CD163L1: variants seen among roughly 807,000 people sequenced by gnomAD.
CD163L1 encodes scavenger receptor cysteine-rich type 1 protein M160.
In CD163L1, 124 loss-of-function variants were observed where a neutral mutation model predicts 165.4. The observed-to-expected ratio is 0.75, with a 90% CI of 0.65 to 0.87. CD163L1 has a LOEUF of 0.87. Among genes scored for constraint, CD163L1 ranks in the 40% least tolerant of loss-of-function variants. The probability of loss-of-function intolerance (pLI) is 0.00; values close to 1 mark genes in which losing one functional copy is unlikely to be tolerated. For missense variants in CD163L1, 1,525 were observed against 1,799.9 expected (o/e 0.85, Z 2.76); for synonymous variants, 585 against 662.2 (o/e 0.88, Z 1.79).
rs1367001725 is a variant in CD163L1, at chr12:7,368,179, A to G, written c.4091T>C (p.Leu1364Ser). Reference protein sequence around the residue: ...NASSGHLALILSSIFGLLLLV... With the variant: ...NASSGHLALISSSIFGLLLLV... Reference sequence around the variant, plus strand: ...GAGAAGGAGCCCAAAGATACTGGATAAAATAAGTGCTAAATGACCTGTATA... The same window carrying G: ...GAGAAGGAGCCCAAAGATACTGGATGAAATAAGTGCTAAATGACCTGTATA... Residue 1364 changes from leucine (L) to serine (S), a missense_variant, in exon 17 of 20, where the codon TTA (leucine) becomes TCA (serine). Transcript: ENST00000313599. This position sits in a 1 kb window ranked among gnomAD's most constrained non-coding sequence, Gnocchi z 4.3. The G allele has an allele frequency of 1.3e-6, 2 of 1,594,718 alleles. No homozygotes were observed. The highest frequency in any genetic ancestry group is 1.3e-5 in the African/African-American group (1 of 74,304).
At chr12:7,404,180 A>G (rs1040193443) in intron 5 of CD163L1, among the ~76,000 whole-genome samples, 5 of 152,188 alleles carry the variant, frequency 3.3e-5, no homozygotes, top group African/African-American at 1.2e-4. Context: ...ACATTGCAAT[A>G]AAAAGCCATA....
intron 7 of CD163L1, among the ~76,000 whole-genome samples, chr12:7,396,809 A>C (rs1947786395): frequency 6.6e-6 from 1 of 151,808 alleles, no homozygotes. Context: ...ATTCCTTAAA[A>C]TAAATCTCTG....
At chr12:7,426,094 T>C (rs879956967) in intron 4 of CD163L1, among the ~76,000 whole-genome samples, 1 of 152,190 alleles carries the variant, frequency 6.6e-6, no homozygotes, top group South Asian at 2.1e-4. Context: ...ATATACACCA[T>C]GGAATACTAT....
intron 7 of CD163L1, among the ~76,000 whole-genome samples, chr12:7,397,546 C>A (rs957084411): frequency 6.6e-6 from 1 of 152,164 alleles, no homozygotes; most frequent in Non-Finnish European, 1.5e-5. Flanking sequence ...ACCCTAAATT[C>A]TACTGTTTCT....
At chr12:7,396,734 G>T (rs937916811) in intron 7 of CD163L1, among the ~76,000 whole-genome samples, 6 of 152,018 alleles carry the variant, frequency 3.9e-5, no homozygotes, top group African/African-American at 1.4e-4. Flanking sequence ...TCTGCAGTCT[G>T]CTGGCCTCCT....
At chr12:7,434,413 A>T (rs796558961) in intron 2 of CD163L1, among the ~76,000 whole-genome samples, 10 of 152,308 alleles carry the variant, frequency 6.6e-5, no homozygotes, top group African/African-American at 2.4e-4. Flanking sequence ...TCCTAGGTGA[A>T]AAAATCAACT....
chr12:7,373,710 C>CG (rs1947193965), intron 13 of CD163L1, 70 bp from the exon 14 acceptor site: 2 of 1,334,636 alleles, frequency 1.5e-6, no homozygotes, highest in African/African-American at 3.1e-5. Flanking sequence ...CCAAGGAATC[C>CG]ATTTTTCCCA....
Position 7,403,571 on chromosome 12 carries a change from A to C in CD163L1, c.1372T>G (p.Cys458Gly), listed in dbSNP as rs1420504526. The part of the protein sequence containing the change: ...CTYDGKAKRT[C>G]FRRSDAGVIC... ...ACTCCAGCATCTGATCTTCGGAAGC[A>C]TGTTCGCTTTGCTTTTCCATCATAT... Residue 458 changes from cysteine to glycine, a missense_variant, in exon 6 of 20, where the codon TGC becomes GGC. Physicochemically the swap from Cys to Gly is radical, Grantham distance 159. Coordinates refer to ENST00000313599, the MANE Select transcript of CD163L1 (RefSeq NM_174941.6). 6.2e-7 allele frequency: 1 copy of C among 1,613,748 alleles called. No homozygotes were observed. The highest frequency in any genetic ancestry group is 8.5e-7 in the Non-Finnish European group (1 of 1,179,886).
At chr12:7,394,943 AGTGG>A (rs1947740962) in intron 8 of CD163L1, among the ~76,000 whole-genome samples, 1 of 152,174 alleles carries the variant, frequency 6.6e-6, no homozygotes, top group South Asian at 2.1e-4. Context: ...GTCAGGAAAC[AGTGG>A]ATGCTGGAGA....
chr12:7,433,601 C>T lies in CD163L1; in HGVS notation c.218G>A (p.Cys73Tyr). 1 of 1,614,174 alleles carries T rather than the reference C, an allele frequency of 6.2e-7. No individual in the cohort carries two copies. The highest frequency in any genetic ancestry group is 8.5e-7 in the Non-Finnish European group (1 of 1,180,024). ...VKFQGQWGTVCDDGWNTTAST... is the reference protein window; with the variant it reads ...VKFQGQWGTVYDDGWNTTAST... ...GGCAGTAGTGTTCCACCCATCATCA[C>T]ACACAGTCCCCCACTGTCCCTGGAA... Residue 73 changes from cysteine to tyrosine, a missense_variant, in exon 3 of 20, where the codon TGT becomes TAT. Transcript: ENST00000313599.
intron 8 of CD163L1, among the ~76,000 whole-genome samples, chr12:7,380,045 T>A (rs1947352540): frequency 6.6e-6 from 1 of 152,090 alleles, no homozygotes; most frequent in Admixed American, 6.5e-5. Context: ...CTGGTGGGAA[T>A]GTAACTAGTA....
the CD163L1 span, among the ~76,000 whole-genome samples, chr12:7,330,329 T>G: frequency 6.6e-6 from 1 of 152,306 alleles, no homozygotes; most frequent in Admixed American, 6.5e-5. Context: ...TTTCAAAACT[T>G]AATAATAAGT....
In CD163L1 at chr12:7,437,247, G is replaced by GTATTTAAATAC. The variant is rs1337411890; in HGVS notation, c.125-3554_125-3553insGTATTTAAATA. Among the ~76,000 whole-genome samples, 216 of 122,900 alleles carry GTATTTAAATAC rather than the reference G, an allele frequency of 1.8e-3. 4 individuals carry two copies. The highest frequency in any genetic ancestry group is 7.3e-3 in the African/African-American group (208 of 28,392). 80.6% of individuals were successfully genotyped at this position (122,900 alleles called of 152,430 possible). A position where few individuals can be genotyped will look rare whatever the true frequency, so the allele number is the denominator to read the frequency against. On this transcript the variant is annotated intron_variant, in intron 2 of 19. Coordinates refer to ENST00000313599, the MANE Select transcript of CD163L1 (RefSeq NM_174941.6). ...ATTTAAAAGTATTTACTTTTAAATA[G>GTATTTAAATAC]TATTTAAATAGTATTTAAAAGTATT... is the stretch of plus-strand genomic sequence containing the variant.
At chr12:7,413,318 C>T (rs1324846636) in intron 4 of CD163L1, among the ~76,000 whole-genome samples, 3 of 151,998 alleles carry the variant, frequency 2.0e-5, no homozygotes, top group Non-Finnish European at 4.4e-5. Flanking sequence ...TGGAACATTT[C>T]CCAAGAGGCC....
At chr12:7,420,027 GA>G (rs1262528180) in intron 4 of CD163L1, among the ~76,000 whole-genome samples, 1 of 151,988 alleles carries the variant, frequency 6.6e-6, no homozygotes, top group Admixed American at 6.6e-5. Context: ...CAGTGGAATG[GA>G]AAAGAGTACC....
intron 18 of CD163L1, among the ~76,000 whole-genome samples, chr12:7,360,143 T>A (rs1292551418): frequency 1.3e-5 from 2 of 152,138 alleles, no homozygotes; most frequent in East Asian, 3.9e-4. Flanking sequence ...GATATGTACA[T>A]CTTTTTTTTT....
At chr12:7,357,521 T>C in intron 18 of CD163L1, 35 bp from the exon 19 acceptor site, 2 of 1,580,404 alleles carry the variant, frequency 1.3e-6, no homozygotes, top group Admixed American at 1.7e-5. Context: ...TATTGAATAG[T>C]AGAAAACCTC....
the CD163L1 span, among the ~76,000 whole-genome samples, chr12:7,334,257 C>G: frequency 5.2e-4 from 79 of 152,098 alleles, no homozygotes; most frequent in Middle Eastern, 3.4e-3. Flanking sequence ...TACTGGCAAA[C>G]TGAATCCAGC....
intron 2 of CD163L1, among the ~76,000 whole-genome samples, chr12:7,440,168 G>A (rs1007559885): frequency 1.3e-5 from 2 of 152,240 alleles, no homozygotes; most frequent in African/African-American, 4.8e-5. Flanking sequence ...CCTGCTCTTG[G>A]CTCCGGGTAG....
Sources: allele counts gnomAD v4.1 joint callset (sites outside exome capture counted in the v4.1 genomes callset), GRCh38; gene constraint gnomAD v4.1.1; non-coding constraint Gnocchi (gnomAD v3.1); transcripts MANE v1.5; gene names NCBI Gene and HGNC (gene_info 2026-07-23, HGNC 2026-07-21).